The following AP2S1 variants were observed in gnomAD, a reference collection of about 807,000 sequenced individuals.
AP2S1 encodes the protein adaptor related protein complex 2 subunit sigma 1, also known as AP-2 complex subunit sigma.
In AP2S1, 6 loss-of-function variants were observed where a neutral mutation model predicts 21.0. That is an observed-to-expected ratio of 0.29 (90% confidence interval 0.16 to 0.56). The LOEUF is 0.56. Among genes scored for constraint, AP2S1 ranks in the 20% least tolerant of loss-of-function variants. AP2S1 has a pLI of 0.92. For missense variants in AP2S1, 60 were observed against 186.2 expected, an observed-to-expected ratio of 0.32 and a Z score of 3.95; for synonymous variants, 63 against 74.6, an observed-to-expected ratio of 0.84 and a Z score of 0.80.
At chr19:46,844,833 G>A (rs2055595119) in intron 2 of AP2S1, among the ~76,000 whole-genome samples, 1 of 152,000 alleles carries the variant, frequency 6.6e-6, no homozygotes, top group Non-Finnish European at 1.5e-5. Flanking sequence ...CAGGCATGGT[G>A]GCTCACGCCT....
intron 1 of AP2S1, among the ~76,000 whole-genome samples, chr19:46,850,476 T>C (rs150321897): frequency 1.1e-3 from 160 of 152,178 alleles, no homozygotes; most frequent in African/African-American, 3.7e-3. Context: ...GAGTTTCCTC[T>C]CGTTTCAAAG....
chr19:46,843,469 C>G (rs1442300088), intron 2 of AP2S1, among the ~76,000 whole-genome samples: 1 of 152,156 alleles, frequency 6.6e-6, no homozygotes, highest in Non-Finnish European at 1.5e-5. Flanking sequence ...TGGCTGTAAT[C>G]CTAGGACTTT....
At position 46,838,914 on chromosome 19, in the gene AP2S1, C is replaced by T. The variant is rs537088453; in HGVS notation, c.268-115G>A. On this transcript the variant is annotated intron_variant, in intron 3 of 4. Transcript: ENST00000263270. The surrounding 1 kb of genome is among the most constrained non-coding windows in gnomAD (Gnocchi z 4.1). ...GCAAAAAAAGAGACCAAGGGGGAGG[C>T]AGGGGAGAGAGAGAGACAGTGACAG... The T allele has an allele frequency of 1.2e-4, 105 of 872,026 alleles. No individual in the cohort carries two copies. The Middle Eastern group carries it at 3.1e-3, about 26-fold the overall frequency. 54.0% of individuals were successfully genotyped at this position (872,026 alleles called of 1,614,324 possible). A position where few individuals can be genotyped will look rare whatever the true frequency, so the allele number is the denominator to read the frequency against.
rs779087525 is a variant in AP2S1 at position 46,838,542 on chromosome 19, T to A, written c.334A>T (p.Thr112Ser). 6.8e-6 allele frequency: 11 copies of A among 1,614,040 alleles called. No individual in the cohort carries two copies. The highest frequency in any genetic ancestry group is 8.5e-6 in the Non-Finnish European group (10 of 1,180,026). ...DLVFNFYKVYTVVDEMFLAGE... is the reference protein window; with the variant it reads ...DLVFNFYKVYSVVDEMFLAGE... ...GCCAGGAACATCTCGTCCACGACCG[T>A]GTAAACCTGTGTGAGGGGAGACCCT... is the stretch of plus-strand genomic sequence containing the variant. Residue 112 changes from threonine (T) to serine (S), a missense_variant, in exon 5 of 5, where the codon ACG becomes TCG. By Grantham distance (58) the Thr-to-Ser change is moderately conservative. Transcript: ENST00000263270. The surrounding 1 kb of genome is among the most constrained non-coding windows in gnomAD (Gnocchi z 4.1).
chr19:46,844,705 T>A lies in AP2S1; in HGVS notation c.153+1288A>T, dbSNP rs141475635. 1.4e-4 allele frequency among the ~76,000 whole-genome samples: 21 copies of A among 152,066 alleles called. No individual in the cohort carries two copies. In the East Asian group the frequency reaches 3.9e-3, roughly 28 times the overall value. On this transcript the variant is annotated intron_variant, in intron 2 of 4. Transcript: ENST00000263270. The stretch of plus-strand genomic sequence containing the variant: ...GTCCCAGCTACTCAGGAGGCTGAGG[T>A]GGGAGGGTAGCTTGAACATAGGAAG...
Position 46,838,840 on chromosome 19 carries a change from G to A in AP2S1, c.268-41C>T. ...AGAGATGGTAAGAGATGGGCAGGGA[G>A]AGAGCCACACACGCACAGAGATGGG... is the stretch of plus-strand genomic sequence containing the variant. On this transcript the variant is annotated intron_variant, in intron 3 of 4. Transcript: ENST00000263270. The surrounding 1 kb of genome is among the most constrained non-coding windows in gnomAD (Gnocchi z 4.1). The A allele has an allele frequency of 1.3e-6, 2 of 1,584,208 alleles. No individual in the cohort carries two copies. The highest frequency in any genetic ancestry group is 1.7e-6 in the Non-Finnish European group (2 of 1,153,626).
At position 46,850,774 on chromosome 19, in the gene AP2S1, C is replaced by G. The variant is rs1172755320; in HGVS notation, c.-8G>C. 2 of 1,579,862 alleles carry G rather than the reference C, an allele frequency of 1.3e-6. No individual in the cohort carries two copies. Among genetic ancestry groups the G allele is most frequent in the Admixed American group, 3.5e-5 (2 of 56,514 alleles). On this transcript the variant is annotated 5_prime_UTR_variant, in exon 1 of 5. Coordinates refer to ENST00000263270, the MANE Select transcript of AP2S1 (RefSeq NM_004069.6). ...GCGCTCCCCCGTTACCATGGCGACC[C>G]CCGTCCAGACCCCAGCGGCCCCGGT...
chr19:46,841,188 A>G (rs1292080043), intron 2 of AP2S1, among the ~76,000 whole-genome samples: 1 of 152,082 alleles, frequency 6.6e-6, no homozygotes, highest in African/African-American at 2.4e-5. Flanking sequence ...TCCTGACCTC[A>G]GATGATCCAC....
Position 46,838,919 on chromosome 19 carries a change from G to T in AP2S1, c.268-120C>A. 1 of 755,592 alleles carries T rather than the reference G, an allele frequency of 1.3e-6. No homozygotes were observed. The highest frequency in any genetic ancestry group is 2.2e-6 in the Non-Finnish European group (1 of 450,624). The allele number at this position is 755,592 out of a possible 1,614,324, so 46.8% of individuals were successfully genotyped here. On this transcript the variant is annotated intron_variant, in intron 3 of 4. Coordinates refer to ENST00000263270, the MANE Select transcript of AP2S1 (RefSeq NM_004069.6). The surrounding 1 kb of genome is among the most constrained non-coding windows in gnomAD (Gnocchi z 4.1). Reference sequence around the variant, plus strand: ...AAAAGAGACCAAGGGGGAGGCAGGGGAGAGAGAGAGACAGTGACAGGGAGA... The same window carrying T: ...AAAAGAGACCAAGGGGGAGGCAGGGTAGAGAGAGAGACAGTGACAGGGAGA...
At chr19:46,841,447 C>T (rs1480197136) in intron 2 of AP2S1, among the ~76,000 whole-genome samples, 5 of 152,208 alleles carry the variant, frequency 3.3e-5, no homozygotes, top group African/African-American at 9.6e-5. Context: ...CTGCTGCAGA[C>T]CCCCATCTCT....
At chr19:46,842,824 C>G (rs368211999) in intron 2 of AP2S1, among the ~76,000 whole-genome samples, 11 of 152,164 alleles carry the variant, frequency 7.2e-5, no homozygotes, top group African/African-American at 2.7e-4. Context: ...CACCCAATCT[C>G]TTGGTTCTCC....
At position 46,843,996 on chromosome 19, in the gene AP2S1, T is replaced by C. The variant is rs186045952; in HGVS notation, c.153+1997A>G. Among the ~76,000 whole-genome samples, 932 of 152,164 alleles carry C rather than the reference T, an allele frequency of 6.1e-3. 5 individuals are homozygous for C. The highest frequency in any genetic ancestry group is 0.021 in the South Asian group (103 of 4,812). ...CACGATCTCGGCTCACTGCAACCTC[T>C]GCCTCCTGGATTCAAGCGATTCTCC... On this transcript the variant is annotated intron_variant, in intron 2 of 4. Transcript: ENST00000263270.
At chr19:46,849,382 A>G (rs78730097) in intron 1 of AP2S1, among the ~76,000 whole-genome samples, 2,049 of 128,500 alleles carry the variant, frequency 0.016, 18 homozygotes, top group Non-Finnish European at 0.026. Flanking sequence ...CCGGAACAGG[A>G]TGTTACACTC....
intron 1 of AP2S1, among the ~76,000 whole-genome samples, chr19:46,848,128 G>A (rs1488210198): frequency 6.6e-6 from 1 of 152,096 alleles, no homozygotes; most frequent in African/African-American, 2.4e-5. Context: ...CAGCACTTTG[G>A]GAGGCCAAGG....
chr19:46,845,884 A>T, intron 2 of AP2S1, 109 bp downstream of exon 2: 1 of 1,429,102 alleles, frequency 7.0e-7, no homozygotes, highest in South Asian at 1.3e-5. Flanking sequence ...TGAATGATAT[A>T]GGATGGATAG....
At position 46,838,615 on chromosome 19, in the gene AP2S1, G is replaced by A; in HGVS notation, c.328-67C>T. ...GATGCTGGCCCGGACCCTGGAAGCT[G>A]GGGCTCTGATGCCCCTCGAGCTGGG... On this transcript the variant is annotated intron_variant, in intron 4 of 4. Coordinates refer to ENST00000263270, the MANE Select transcript of AP2S1 (RefSeq NM_004069.6). The surrounding 1 kb of genome is among the most constrained non-coding windows in gnomAD (Gnocchi z 4.1). 1 of 1,589,580 alleles carries A rather than the reference G, an allele frequency of 6.3e-7. No homozygotes were observed. Among genetic ancestry groups the A allele is most frequent in the Admixed American group, 1.7e-5 (1 of 59,670 alleles).
At chr19:46,844,198 C>T (rs1005416545) in intron 2 of AP2S1, among the ~76,000 whole-genome samples, 6 of 152,000 alleles carry the variant, frequency 3.9e-5, no homozygotes, top group Admixed American at 6.6e-5. Flanking sequence ...CCACCGCGCC[C>T]GGCCGGCAAA....
chr19:46,848,958 G>C (rs1214626114), intron 1 of AP2S1, among the ~76,000 whole-genome samples: 1 of 148,394 alleles, frequency 6.7e-6, no homozygotes, highest in African/African-American at 2.5e-5. Context: ...TGATCTGCCT[G>C]CCTCAGCCTC....
At chr19:46,849,010 CTTTTTTTTTT>C (rs59512372) in intron 1 of AP2S1, among the ~76,000 whole-genome samples, 4 of 56,170 alleles carry the variant, frequency 7.1e-5, no homozygotes, top group African/African-American at 3.5e-4. Context: ...TGTGCCCAGC[CTTTTTTTTTT>C]TTTTTTTTTT....
Sources: allele counts gnomAD v4.1 joint callset (sites outside exome capture counted in the v4.1 genomes callset), GRCh38; gene constraint gnomAD v4.1.1; non-coding constraint Gnocchi (gnomAD v3.1); transcripts MANE v1.5; gene names NCBI Gene and HGNC (gene_info 2026-07-23, HGNC 2026-07-21).